EVL: variants seen among roughly 807,000 people sequenced by gnomAD.
The protein encoded by EVL is ena/VASP-like protein.
EVL carries 21 observed loss-of-function variants against 59.6 expected under a neutral mutation model. That is an observed-to-expected ratio of 0.35 (90% CI 0.25 to 0.51). The LOEUF is 0.51. Ranked by LOEUF, EVL falls within the 20% of genes least tolerant of loss-of-function variation. The probability of loss-of-function intolerance (pLI) is 0.97; values close to 1 mark genes in which losing one functional copy is unlikely to be tolerated. For synonymous variants in EVL, 198 were observed against 203.5 expected (o/e 0.97, Z 0.23); for missense variants, 462 against 546.6 (o/e 0.85, Z 1.54).
In EVL at chr14:100,140,975, C is replaced by T. The variant is rs372809729; in HGVS notation, c.1095-205C>T. The T allele has an allele frequency of 2.0e-4, 100 of 511,166 alleles. 2 individuals are homozygous for T. Among genetic ancestry groups the T allele is most frequent in the African/African-American group, 1.7e-3 (85 of 50,672 alleles). The allele number at this position is 511,166 out of a possible 1,614,324, so 31.7% of individuals were successfully genotyped here. A position where few individuals can be genotyped will look rare whatever the true frequency, so the allele number is the denominator to read the frequency against. On this transcript the variant is annotated intron_variant, in intron 11 of 13. Transcript: ENST00000392920. ...GCCTTGGCTCTCGGGTTGGGAAATACAGTCACGGTATCCATGGAGACCTCT... is the reference window on the plus strand; with the variant it reads ...GCCTTGGCTCTCGGGTTGGGAAATATAGTCACGGTATCCATGGAGACCTCT...
At chr14:100,138,252 C>G in intron 11 of EVL, 1 of 194,934 alleles carries the variant, frequency 5.1e-6, no homozygotes, top group South Asian at 1.1e-4. Flanking sequence ...TTCAACCAGT[C>G]CTAGCACTGG....
At chr14:100,074,811 G>A (rs2062126681) in intron 1 of EVL, 1 of 152,724 alleles carries the variant, frequency 6.5e-6, no homozygotes, top group Admixed American at 6.5e-5. Context: ...GCAGCCAAGG[G>A]AGAAGTTTCA....
chr14:100,070,375 T>A (rs1236887229), intron 1 of EVL, among the ~76,000 whole-genome samples: 2 of 152,192 alleles, frequency 1.3e-5, no homozygotes, highest in Non-Finnish European at 2.9e-5. Context: ...CCTCTCAGCT[T>A]TAACTTCTCA....
At chr14:100,058,652 T>A (rs935293916) in intron 1 of EVL, among the ~76,000 whole-genome samples, 1 of 152,084 alleles carries the variant, frequency 6.6e-6, no homozygotes, top group African/African-American at 2.4e-5. Flanking sequence ...ATTTATAAGA[T>A]CATTTTTTTT....
chr14:100,127,956 G>A lies in EVL; in HGVS notation c.488-563G>A, dbSNP rs1232884834. Among the ~76,000 whole-genome samples, 1 of 152,234 alleles carries A rather than the reference G, an allele frequency of 6.6e-6. No homozygotes were observed. On this transcript the variant is annotated intron_variant, in intron 5 of 13. Coordinates refer to ENST00000392920, the MANE Select transcript of EVL (RefSeq NM_016337.3). This position sits in a 1 kb window ranked among gnomAD's most constrained non-coding sequence, Gnocchi z 4.2. ...AGCACCATACCCAGCACCTAGCACA[G>A]TGCCTGGCACAAAACAGGCTTAGGC...
intron 1 of EVL, among the ~76,000 whole-genome samples, chr14:99,984,792 T>C (rs1341898252): frequency 6.6e-6 from 1 of 152,198 alleles, no homozygotes; most frequent in East Asian, 1.9e-4. Flanking sequence ...TTTTTTGTAT[T>C]TTTAGTAGAG....
chr14:100,131,426 A>C (rs1888429337), intron 7 of EVL, among the ~76,000 whole-genome samples: 1 of 152,246 alleles, frequency 6.6e-6, no homozygotes, highest in South Asian at 2.1e-4. Flanking sequence ...GGTGGAGCCG[A>C]CGATGAAAGT....
rs111298439 is a variant in EVL at position 100,141,794 on chromosome 14, G to A, written c.1219+1G>A. On this transcript the variant is annotated splice_donor_variant, in intron 13 of 13. Coordinates refer to ENST00000392920, the MANE Select transcript of EVL (RefSeq NM_016337.3). LOFTEE classifies it high-confidence loss of function. ...AAGGTGAAGGAGGAGATCATCGACG[G>A]TGAGTGCAGCCCCACCGGGGAGGGT... 6.2e-7 allele frequency: 1 copy of A among 1,613,032 alleles called. No homozygotes were observed. Among genetic ancestry groups the A allele is most frequent in the Non-Finnish European group, 8.5e-7 (1 of 1,179,884 alleles).
At chr14:99,978,695 T>A (rs1311079266) in intron 1 of EVL, among the ~76,000 whole-genome samples, 1 of 152,258 alleles carries the variant, frequency 6.6e-6, no homozygotes, top group Non-Finnish European at 1.5e-5. Flanking sequence ...ATAAGCAATT[T>A]GGTTTACCTA....
intron 1 of EVL, among the ~76,000 whole-genome samples, chr14:99,986,368 A>G (rs2060840591): frequency 1.3e-5 from 2 of 152,002 alleles, no homozygotes; most frequent in Admixed American, 1.3e-4. Context: ...CTAAGAGGAC[A>G]GCTTCAGGGT....
chr14:100,063,879 A>G (rs922886642), upstream of EVL, among the ~76,000 whole-genome samples: 2 of 152,262 alleles, frequency 1.3e-5, no homozygotes, highest in South Asian at 4.1e-4. Context: ...AAGAAGTCAC[A>G]CCAAATATGT....
chr14:100,128,957 A>G (rs1888261382), intron 6 of EVL, among the ~76,000 whole-genome samples: 1 of 152,230 alleles, frequency 6.6e-6, no homozygotes, highest in African/African-American at 2.4e-5. Flanking sequence ...CCTCACGTTG[A>G]CCTTCACACG....
chr14:100,137,214 G>A (rs1888853544), intron 9 of EVL: 1 of 300,286 alleles, frequency 3.3e-6, no homozygotes, highest in Non-Finnish European at 6.3e-6. Context: ...CAGGTGCCGG[G>A]CCGAGGGGCC....
intron 1 of EVL, among the ~76,000 whole-genome samples, chr14:100,045,492 C>A (rs1480425830): frequency 6.6e-6 from 1 of 152,228 alleles, no homozygotes; most frequent in Admixed American, 6.5e-5. Context: ...GAAGAACTCT[C>A]TCGTGTAGGT....
intron 13 of EVL, among the ~76,000 whole-genome samples, chr14:100,142,757 A>T (rs1268889153): frequency 6.6e-6 from 1 of 152,144 alleles, no homozygotes; most frequent in Non-Finnish European, 1.5e-5. Flanking sequence ...GGAGTTAACA[A>T]ATGAGGGGAA....
chr14:100,128,930 T>C (rs1290534473), intron 6 of EVL, among the ~76,000 whole-genome samples, 182 bp downstream of exon 6: 1 of 152,234 alleles, frequency 6.6e-6, no homozygotes, highest in Non-Finnish European at 1.5e-5. Context: ...TTTGAAATTA[T>C]GAAGTTAGCC....
chr14:100,004,481 GTT>G (rs61519528), intron 1 of EVL, among the ~76,000 whole-genome samples: 6 of 149,690 alleles, frequency 4.0e-5, no homozygotes, highest in African/African-American at 1.2e-4. Flanking sequence ...TGTGTAAGTG[GTT>G]TTTTTTTTAA....
chr14:100,126,637 AGCACAG>A lies in EVL; in HGVS notation c.423-63_423-58del, dbSNP rs1888090038. ...CTCTGAAGCCGGGGCCGGCGGGTAC[AGCACAG>A]GCACAGAGTGTGGTGGTCTCCAGAG... On this transcript the variant is annotated intron_variant, in intron 4 of 13. Transcript: ENST00000392920. The A allele has an allele frequency of 1.9e-6, 3 of 1,546,464 alleles. No homozygotes were observed. The South Asian group carries it at 3.4e-5, about 17-fold the overall frequency.
Position 100,137,779 on chromosome 14 carries a change from C to A in EVL, c.1071C>A (p.Pro357=), listed in dbSNP as rs1888902385. ...SVAKSPEAKS[P]LQSQPHSRMK... ...CAAAGAGCCCCGAAGCTAAGAGCCCCCTTCAGTCGCAGCCTCACTCTAGGT... is the reference window on the plus strand; with the variant it reads ...CAAAGAGCCCCGAAGCTAAGAGCCCACTTCAGTCGCAGCCTCACTCTAGGT... Residue 357 remains proline (P), a synonymous_variant, in exon 11 of 14, where the codon CCC becomes CCA. Coordinates refer to ENST00000392920, the MANE Select transcript of EVL (RefSeq NM_016337.3). The A allele has an allele frequency of 1.9e-6, 3 of 1,614,042 alleles. No individual in the cohort carries two copies. Among genetic ancestry groups the A allele is most frequent in the Non-Finnish European group, 1.7e-6 (2 of 1,180,044 alleles).
Sources: allele counts gnomAD v4.1 joint callset (sites outside exome capture counted in the v4.1 genomes callset), GRCh38; gene constraint gnomAD v4.1.1; non-coding constraint Gnocchi (gnomAD v3.1); transcripts MANE v1.5; gene names NCBI Gene and HGNC (gene_info 2026-07-23, HGNC 2026-07-21).